Variants in LRRC27 observed in about 807,000 individuals in gnomAD.
LRRC27 encodes leucine rich repeat containing 27.
A neutral mutation model predicts 55.0 loss-of-function variants in LRRC27; 57 were observed. The observed-to-expected ratio is 1.04, with a 90% CI of 0.84 to 1.29. The LOEUF (loss-of-function observed/expected upper bound fraction) is 1.29, where lower values mean the gene tolerates loss of function less well. Among genes scored for constraint, LRRC27 ranks in the 50% most tolerant of loss-of-function variants. The pLI is 0.00. For missense variants in LRRC27, 721 were observed against 651.5 expected (o/e 1.11, Z -1.16); for synonymous variants, 278 against 251.9 (o/e 1.10, Z -0.98).
At chr10:132,335,728 G>A (rs1304417623) in intron 2 of LRRC27, among the ~76,000 whole-genome samples, 1 of 152,222 alleles carries the variant, frequency 6.6e-6, no homozygotes. Flanking sequence ...GGGGCTGTAG[G>A]TATTTTCTTT....
intron 4 of LRRC27, among the ~76,000 whole-genome samples, chr10:132,344,261 CTGTT>C (rs1307598406): frequency 6.6e-6 from 1 of 152,108 alleles, no homozygotes; most frequent in Non-Finnish European, 1.5e-5. Flanking sequence ...GTGGCTGCTT[CTGTT>C]TGTTTGATTT....
upstream of LRRC27, chr10:132,331,899 C>T (rs1412467319): frequency 3.2e-6 from 3 of 945,626 alleles, no homozygotes; most frequent in Non-Finnish European, 3.0e-6. Flanking sequence ...CTGCCACCCC[C>T]GCGCAGGCGC....
rs1440636326 is a variant in LRRC27 at position 132,375,943 on chromosome 10, G to C, written c.*701G>C. On this transcript the variant is annotated 3_prime_UTR_variant, in exon 11 of 11. Transcript: ENST00000368614. ...TGTCTGCCCAGGCTGTGTAGATTCT[G>C]TGTGACTTAGTCTCTTGTGCTGAGT... 1 of 152,288 alleles carries C rather than the reference G, an allele frequency of 6.6e-6. No homozygotes were observed. Among genetic ancestry groups the C allele is most frequent in the Non-Finnish European group, 1.5e-5 (1 of 68,074 alleles). The allele number at this position is 152,288 out of a possible 1,614,324, so 9.4% of individuals were successfully genotyped here.
chr10:132,353,074 C>G (rs1416420648), intron 7 of LRRC27: 1 of 1,528,262 alleles, frequency 6.5e-7, no homozygotes, highest in Non-Finnish European at 8.8e-7. Flanking sequence ...TCCCTGGGCC[C>G]CAGGAGTCCG....
At chr10:132,352,839 C>A in intron 7 of LRRC27, 1 of 1,607,320 alleles carries the variant, frequency 6.2e-7, no homozygotes, top group Non-Finnish European at 8.5e-7. Context: ...ACGACACCTG[C>A]CTGCTTTCTT....
upstream of LRRC27, among the ~76,000 whole-genome samples, chr10:132,331,068 G>T (rs1280687727): frequency 2.6e-5 from 4 of 151,322 alleles, no homozygotes; most frequent in Admixed American, 1.3e-4. Flanking sequence ...GGACGTGGTG[G>T]CGCGCGCCTG....
rs368223774 is a variant in LRRC27 at position 132,371,187 on chromosome 10, C to T, written c.1417-3879C>T. ...CTGCGCAGTGCCGCGCATGGCGTGG[C>T]GCTGGCAAGGAGTCCTCGGTGGCAT... is the stretch of plus-strand genomic sequence containing the variant. On this transcript the variant is annotated intron_variant, in intron 10 of 10. Coordinates refer to ENST00000368614, the MANE Select transcript of LRRC27 (RefSeq NM_030626.3). Among the ~76,000 whole-genome samples the T allele has an allele frequency of 3.6e-4, 55 of 152,364 alleles. No homozygotes were observed. The East Asian group carries it at 8.3e-3, about 23-fold the overall frequency.
chr10:132,331,805 C>G (rs760330646), upstream of LRRC27: 1 of 1,594,580 alleles, frequency 6.3e-7, no homozygotes, highest in African/African-American at 1.3e-5. Context: ...TCTACTTGCC[C>G]GTCGACCACC....
Position 132,333,461 on chromosome 10 carries a change from T to G in LRRC27, c.-48-16T>G. 1 of 1,322,308 alleles carries G rather than the reference T, an allele frequency of 7.6e-7. No individual in the cohort carries two copies. Among genetic ancestry groups the G allele is most frequent in the Non-Finnish European group, 1.0e-6 (1 of 976,934 alleles). 81.9% of individuals were successfully genotyped at this position (1,322,308 alleles called of 1,614,324 possible). On this transcript the variant is annotated splice_polypyrimidine_tract_variant and intron_variant, in intron 1 of 10. Transcript: ENST00000368614. ...ATAATTAGTTGCTTCTACGTTTCCC[T>G]TTCCCGTGTCTCCAGGTGACTCCAG...
chr10:132,375,156 T>C lies in LRRC27; in HGVS notation c.1507T>C (p.Ser503Pro). 1.2e-6 allele frequency: 2 copies of C among 1,614,166 alleles called. No homozygotes were observed. The highest frequency in any genetic ancestry group is 1.7e-6 in the Non-Finnish European group (2 of 1,179,996). Residue 503 changes from serine to proline, a missense_variant, in exon 11 of 11, where the codon TCG becomes CCG. Coordinates refer to ENST00000368614, the MANE Select transcript of LRRC27 (RefSeq NM_030626.3). ...ACGGGCGGCCCTCACTGGAAACCTTTCGCTTGGCCTGCCGGCAGCACAGCC... is the reference window on the plus strand; with the variant it reads ...ACGGGCGGCCCTCACTGGAAACCTTCCGCTTGGCCTGCCGGCAGCACAGCC... ...RRRAALTGNL[S>P]LGLPAAQPQN...
chr10:132,373,225 G>A (rs1323742627), intron 10 of LRRC27, among the ~76,000 whole-genome samples: 1 of 152,150 alleles, frequency 6.6e-6, no homozygotes, highest in African/African-American at 2.4e-5. Flanking sequence ...AAGGGGAGGT[G>A]GGAAACAGAT....
At chr10:132,364,718 G>A (rs140938340) in intron 9 of LRRC27, among the ~76,000 whole-genome samples, 72 of 2,854 alleles carry the variant, frequency 0.025, 11 homozygotes, top group Non-Finnish European at 0.069. Flanking sequence ...CACTCATGCA[G>A]TCCGCGTCCA....
intron 8 of LRRC27, among the ~76,000 whole-genome samples, chr10:132,359,569 G>T (rs550249117): frequency 6.6e-6 from 1 of 152,236 alleles, no homozygotes; most frequent in Admixed American, 6.5e-5. Context: ...AATCATGGCC[G>T]CTGGCTTTGC....
chr10:132,364,891 C>A (rs1457714728), intron 9 of LRRC27, among the ~76,000 whole-genome samples: 1 of 150,168 alleles, frequency 6.7e-6, no homozygotes, highest in East Asian at 1.9e-4. Flanking sequence ...CGCCACCCCA[C>A]AGCTCACCTG....
At chr10:132,339,567 T>C (rs2067302783) in intron 3 of LRRC27, among the ~76,000 whole-genome samples, 1 of 152,144 alleles carries the variant, frequency 6.6e-6, no homozygotes, top group Non-Finnish European at 1.5e-5. Context: ...CGCTTGTGTT[T>C]TGGGAGCTGC....
intron 4 of LRRC27, among the ~76,000 whole-genome samples, chr10:132,342,926 C>T (rs922100299): frequency 2.6e-5 from 4 of 152,220 alleles, no homozygotes; most frequent in Admixed American, 6.5e-5. Context: ...GACATGTATA[C>T]GCATGTATAC....
At chr10:132,351,388 C>T (rs1554895562) in intron 6 of LRRC27, 4 of 542,868 alleles carry the variant, frequency 7.4e-6, no homozygotes, top group Middle Eastern at 5.3e-4. Flanking sequence ...TGGCAGTGGG[C>T]GCGTTGGGAC....
rs1022556180 is a variant in LRRC27, at chr10:132,375,309, C to T, written c.*67C>T. 1.3e-5 allele frequency: 19 copies of T among 1,480,416 alleles called. No individual in the cohort carries two copies. Among genetic ancestry groups the T allele is most frequent in the Admixed American group, 1.9e-5 (1 of 51,542 alleles). 91.7% of individuals were successfully genotyped at this position (1,480,416 alleles called of 1,614,324 possible). A position where few individuals can be genotyped will look rare whatever the true frequency, so the allele number is the denominator to read the frequency against. ...CCGCTCAGTCTTCTTTCCCGGGCGT[C>T]GCCTCCTGTGTGGTGCCGGAAGAGC... is the stretch of plus-strand genomic sequence containing the variant. On this transcript the variant is annotated 3_prime_UTR_variant, in exon 11 of 11. Transcript: ENST00000368614.
At chr10:132,335,792 A>G (rs2067099387) in intron 2 of LRRC27, among the ~76,000 whole-genome samples, 1 of 152,222 alleles carries the variant, frequency 6.6e-6, no homozygotes, top group Non-Finnish European at 1.5e-5. Context: ...AATCCCAGTC[A>G]GCTCAGGGGC....
Sources: allele counts gnomAD v4.1 joint callset (sites outside exome capture counted in the v4.1 genomes callset), GRCh38; gene constraint gnomAD v4.1.1; transcripts MANE v1.5; gene names NCBI Gene and HGNC (gene_info 2026-07-23, HGNC 2026-07-21).